CNTNAP5: variants seen among roughly 807,000 people sequenced by gnomAD.
The protein encoded by CNTNAP5 is contactin associated protein family member 5.
A neutral mutation model predicts 150.2 loss-of-function variants in CNTNAP5; 72 were observed. The observed-to-expected ratio is 0.48, with a 90% CI of 0.40 to 0.58. The LOEUF is 0.58. Among genes scored for constraint, CNTNAP5 ranks in the 20% least tolerant of loss-of-function variants. CNTNAP5 has a pLI of 0.00. For missense variants in CNTNAP5, 1,636 were observed against 1,626.2 expected (o/e 1.01, Z -0.10); for synonymous variants, 672 against 619.8 (o/e 1.08, Z -1.25).
At chr2:124,474,667 AC>A in intron 6 of CNTNAP5, 71 bp from the exon 7 acceptor site, 1 of 1,322,882 alleles carries the variant, frequency 7.6e-7, no homozygotes, top group Admixed American at 3.2e-5. Context: ...CCAAAAACGC[AC>A]GTGTTTACTT....
At chr2:124,029,560 T>C (rs12622875) in intron 1 of CNTNAP5, among the ~76,000 whole-genome samples, 31,145 of 152,010 alleles carry the variant, frequency 0.2, 3,344 homozygotes, top group East Asian at 0.4. Context: ...AGTTCAAAAT[T>C]ATGAAAAAAT....
Position 124,773,036 on chromosome 2 carries a change from C to A in CNTNAP5, c.2752+19C>A. On this transcript the variant is annotated intron_variant, in intron 17 of 23. Coordinates refer to ENST00000682447, the MANE Select transcript of CNTNAP5 (RefSeq NM_001367498.1). ...TTTGTAGGTAGGGGACATCTTAAGGCTCCTTTTGTGCTAAACCCTGCAAGA... is the reference window on the plus strand; with the variant it reads ...TTTGTAGGTAGGGGACATCTTAAGGATCCTTTTGTGCTAAACCCTGCAAGA... 6.2e-7 allele frequency: 1 copy of A among 1,600,492 alleles called. No individual in the cohort carries two copies. The highest frequency in any genetic ancestry group is 1.1e-5 in the South Asian group (1 of 90,754).
intron 19 of CNTNAP5, among the ~76,000 whole-genome samples, chr2:124,856,029 C>T (rs115644002): frequency 2.6e-5 from 4 of 151,286 alleles, no homozygotes; most frequent in South Asian, 2.1e-4. Context: ...CACGTTGCTG[C>T]GAATGCCATT....
chr2:124,731,955 C>T (rs1376607296), intron 13 of CNTNAP5, among the ~76,000 whole-genome samples: 1 of 151,598 alleles, frequency 6.6e-6, no homozygotes, highest in Non-Finnish European at 1.5e-5. Context: ...CACAGCATAC[C>T]CTCCTTCCAT....
At chr2:124,506,191 GA>G (rs541248963) in intron 8 of CNTNAP5, among the ~76,000 whole-genome samples, 3,374 of 129,228 alleles carry the variant, frequency 0.026, 107 homozygotes, top group African/African-American at 0.076. Flanking sequence ...GACTTTTAAA[GA>G]AAAAAAAAAA....
intron 10 of CNTNAP5, among the ~76,000 whole-genome samples, chr2:124,557,258 C>T (rs1558952734): frequency 7.5e-6 from 1 of 133,992 alleles, no homozygotes; most frequent in Non-Finnish European, 1.6e-5. Flanking sequence ...AGTTTCTCTT[C>T]CCTCTCTCAA....
chr2:124,285,899 C>T (rs1333691837), intron 3 of CNTNAP5, among the ~76,000 whole-genome samples: 1 of 152,112 alleles, frequency 6.6e-6, no homozygotes, highest in Non-Finnish European at 1.5e-5. Flanking sequence ...CTCAAACATT[C>T]ATTCTTTTCA....
chr2:124,053,291 A>G (rs750118412), intron 1 of CNTNAP5, among the ~76,000 whole-genome samples: 1 of 152,198 alleles, frequency 6.6e-6, no homozygotes, highest in Non-Finnish European at 1.5e-5. Flanking sequence ...AAAGTGAGAA[A>G]TTCATAAACA....
chr2:124,410,797 C>G (rs537853818), intron 3 of CNTNAP5, among the ~76,000 whole-genome samples: 1 of 150,024 alleles, frequency 6.7e-6, no homozygotes, highest in East Asian at 2.0e-4. Flanking sequence ...AAAATTGACA[C>G]CCTAACATCA....
At chr2:124,859,310 G>A (rs1677455192) in intron 19 of CNTNAP5, among the ~76,000 whole-genome samples, 1 of 152,036 alleles carries the variant, frequency 6.6e-6, no homozygotes, top group Non-Finnish European at 1.5e-5. Context: ...ATGAAAAAAT[G>A]CTCACCATCA....
At chr2:124,316,528 G>A (rs547549358) in intron 3 of CNTNAP5, among the ~76,000 whole-genome samples, 4 of 152,152 alleles carry the variant, frequency 2.6e-5, no homozygotes, top group South Asian at 2.1e-4. Context: ...TCTCACAGCC[G>A]GGCACGGTGG....
At chr2:124,661,531 G>A in intron 13 of CNTNAP5, among the ~76,000 whole-genome samples, 1 of 149,208 alleles carries the variant, frequency 6.7e-6, no homozygotes. Context: ...CCTTTTTCTG[G>A]AATTCCCCCG....
intron 12 of CNTNAP5, among the ~76,000 whole-genome samples, chr2:124,615,475 A>G (rs919395724): frequency 6.6e-6 from 1 of 152,192 alleles, no homozygotes; most frequent in Non-Finnish European, 1.5e-5. Context: ...TTAAAATTTT[A>G]TCATGAGAAT....
At position 124,775,291 on chromosome 2, in the gene CNTNAP5, A is replaced by C. The variant is rs568676315; in HGVS notation, c.2752+2274A>C. Among the ~76,000 whole-genome samples, 19 of 152,312 alleles carry C rather than the reference A, an allele frequency of 1.2e-4. No homozygotes were observed. In the South Asian group the frequency reaches 1.4e-3, roughly 12 times the overall value. On this transcript the variant is annotated intron_variant, in intron 17 of 23. Transcript: ENST00000682447. ...TAAATAAATAAGCATTTTGGTGCTT[A>C]GTTATAGTCACCAAAATGAACAATT...
chr2:124,576,722 T>C (rs549113551), intron 11 of CNTNAP5, among the ~76,000 whole-genome samples: 1 of 152,320 alleles, frequency 6.6e-6, no homozygotes, highest in South Asian at 2.1e-4. Flanking sequence ...GAGTGACCTG[T>C]GGGAAATTAT....
At chr2:124,432,280 A>T (rs1410102845) in intron 4 of CNTNAP5, among the ~76,000 whole-genome samples, 1 of 152,196 alleles carries the variant, frequency 6.6e-6, no homozygotes, top group East Asian at 1.9e-4. Flanking sequence ...GAAATGCCTC[A>T]CTGGGAACTA....
In CNTNAP5 at chr2:124,491,046, T is replaced by C. The variant is rs1444944071; in HGVS notation, c.1063-13246T>C. Among the ~76,000 whole-genome samples the C allele has an allele frequency of 3.3e-5, 5 of 152,180 alleles. No homozygotes were observed. The East Asian group carries it at 9.6e-4, about 29-fold the overall frequency. Reference sequence around the variant, plus strand: ...AATTGAAAAATAAAGATAGTATATATGTTCAAGGTGTACAATGTGATAATT... The same window carrying C: ...AATTGAAAAATAAAGATAGTATATACGTTCAAGGTGTACAATGTGATAATT... On this transcript the variant is annotated intron_variant, in intron 7 of 23. Coordinates refer to ENST00000682447, the MANE Select transcript of CNTNAP5 (RefSeq NM_001367498.1).
intron 10 of CNTNAP5, among the ~76,000 whole-genome samples, chr2:124,558,056 G>T (rs1054980003): frequency 6.6e-6 from 1 of 152,168 alleles, no homozygotes; most frequent in African/African-American, 2.4e-5. Flanking sequence ...AGCCAGAGGA[G>T]ACGCGTTTAA....
chr2:124,430,077 G>A (rs556462409), intron 4 of CNTNAP5, among the ~76,000 whole-genome samples: 4 of 152,198 alleles, frequency 2.6e-5, no homozygotes, highest in African/African-American at 7.2e-5. Flanking sequence ...ATCCAATTGC[G>A]AGGTGCATTA....
Sources: allele counts gnomAD v4.1 joint callset (sites outside exome capture counted in the v4.1 genomes callset), GRCh38; gene constraint gnomAD v4.1.1; transcripts MANE v1.5; gene names NCBI Gene and HGNC (gene_info 2026-07-23, HGNC 2026-07-21).